TMEM71: variants seen among roughly 807,000 people sequenced by gnomAD.
The protein encoded by TMEM71 is transmembrane protein 71.
A neutral mutation model predicts 38.0 loss-of-function variants in TMEM71; 44 were observed. That is an observed-to-expected ratio of 1.16 (90% confidence interval 0.91 to 1.49). The LOEUF is 1.49. Among genes scored for constraint, TMEM71 ranks in the 40% most tolerant of loss-of-function variants. TMEM71 has a pLI of 0.00. For synonymous variants in TMEM71, 133 were observed against 122.5 expected (o/e 1.09, Z -0.56); for missense variants, 367 against 348.6 (o/e 1.05, Z -0.42).
At position 132,735,662 on chromosome 8, in the gene TMEM71, T is replaced by C. The variant is rs1247503012; in HGVS notation, c.488-7676A>G. 2.6e-5 allele frequency among the ~76,000 whole-genome samples: 4 copies of C among 152,222 alleles called. No homozygotes were observed. In the East Asian group the frequency reaches 5.8e-4, roughly 22 times the overall value. On this transcript the variant is annotated intron_variant, in intron 5 of 9. Coordinates refer to ENST00000677595, the MANE Select transcript of TMEM71 (RefSeq NM_001382403.1). ...ACCTCATGCACGTGCAGCATTGCTG[T>C]GGTCCAATCCCTTTGAAATTGTTTG...
intron 4 of TMEM71, among the ~76,000 whole-genome samples, chr8:132,747,549 A>T (rs1828459356): frequency 6.6e-6 from 1 of 152,234 alleles, no homozygotes; most frequent in Non-Finnish European, 1.5e-5. Context: ...GCAGCTAGTA[A>T]GTAACATAGT....
At chr8:132,709,118 A>T (rs1361922145), downstream of TMEM71, among the ~76,000 whole-genome samples, 6 of 152,206 alleles carry the variant, frequency 3.9e-5, no homozygotes, top group East Asian at 1.2e-3. Flanking sequence ...AAACATTATC[A>T]TTTAAATCAA....
the TMEM71 span, among the ~76,000 whole-genome samples, chr8:132,768,200 C>A: frequency 6.6e-6 from 1 of 152,180 alleles, no homozygotes; most frequent in African/African-American, 2.4e-5. Context: ...ATTTTGGATG[C>A]TTTGTCCTGC....
intron 3 of TMEM71, among the ~76,000 whole-genome samples, chr8:132,752,846 AG>A (rs1193954438): frequency 2.1e-5 from 3 of 144,364 alleles, no homozygotes; most frequent in South Asian, 2.2e-4. Context: ...GAAGGAAGGA[AG>A]GAAGGAAGGA....
intron 4 of TMEM71, among the ~76,000 whole-genome samples, chr8:132,750,271 T>A (rs1828632498): frequency 6.6e-6 from 1 of 152,182 alleles, no homozygotes; most frequent in Non-Finnish European, 1.5e-5. Flanking sequence ...ATTTTGGACA[T>A]ACTGGGTTTG....
At chr8:132,713,107 A>G (rs1488127618) in intron 9 of TMEM71, among the ~76,000 whole-genome samples, 1 of 151,728 alleles carries the variant, frequency 6.6e-6, no homozygotes, top group East Asian at 1.9e-4. Flanking sequence ...AGCTTCCCAA[A>G]GTGCTGAGAT....
chr8:132,747,172 T>A (rs926226143), intron 4 of TMEM71, 58 bp from the exon 5 acceptor site: 2 of 1,395,008 alleles, frequency 1.4e-6, no homozygotes, highest in Admixed American at 5.4e-5. Context: ...AGTTCAAAAC[T>A]GTGATTTGAA....
intron 5 of TMEM71, among the ~76,000 whole-genome samples, chr8:132,735,471 C>A (rs766873999): frequency 3.9e-5 from 6 of 152,114 alleles, no homozygotes; most frequent in Non-Finnish European, 8.8e-5. Context: ...TTGGGTAAAT[C>A]TGGAAAGCAA....
intron 5 of TMEM71, among the ~76,000 whole-genome samples, chr8:132,737,850 C>T (rs974766086): frequency 2.0e-5 from 3 of 152,134 alleles, no homozygotes; most frequent in African/African-American, 4.8e-5. Context: ...AACTGTATTG[C>T]TTCTCAGATT....
chr8:132,712,062 AATG>A (rs1826264573), intron 9 of TMEM71, among the ~76,000 whole-genome samples: 1 of 152,178 alleles, frequency 6.6e-6, no homozygotes, highest in South Asian at 2.1e-4. Context: ...TACTTCAAGA[AATG>A]ATGCAGTAAA....
At chr8:132,751,694 T>C (rs1471549396) in intron 4 of TMEM71, 91 bp downstream of exon 4, 1 of 1,281,652 alleles carries the variant, frequency 7.8e-7, no homozygotes, top group Non-Finnish European at 1.1e-6. Context: ...ATGGGCTCCT[T>C]ATAAAAGATA....
At chr8:132,767,356 C>A in the TMEM71 span, among the ~76,000 whole-genome samples, 3 of 152,048 alleles carry the variant, frequency 2.0e-5, no homozygotes, top group Non-Finnish European at 2.9e-5. Context: ...CAAGCTGGTA[C>A]CTCTTTGACT....
rs111735624 is a variant in TMEM71, at chr8:132,734,287, T to A, written c.488-6301A>T. Reference sequence around the variant, plus strand: ...CACAGGTGTCTGCATATGTCTAAAGTCATAAAATTGTACACATGAAATATG... The same window carrying A: ...CACAGGTGTCTGCATATGTCTAAAGACATAAAATTGTACACATGAAATATG... On this transcript the variant is annotated intron_variant, in intron 5 of 9. Transcript: ENST00000677595. 7.1e-3 allele frequency among the ~76,000 whole-genome samples: 1,076 copies of A among 152,114 alleles called. 9 individuals carry two copies. The highest frequency in any genetic ancestry group is 0.025 in the African/African-American group (1,033 of 41,484).
chr8:132,709,132 ACT>A (rs1271986276), downstream of TMEM71, among the ~76,000 whole-genome samples: 3 of 152,092 alleles, frequency 2.0e-5, no homozygotes, highest in African/African-American at 7.2e-5. Context: ...AAATCAAATG[ACT>A]CTGTAGAAAA....
the TMEM71 span, among the ~76,000 whole-genome samples, chr8:132,772,473 T>A: frequency 6.6e-6 from 1 of 151,672 alleles, no homozygotes; most frequent in Admixed American, 6.6e-5. Flanking sequence ...GGCCAGGGAG[T>A]CAGTACTAGA....
chr8:132,718,637 T>C (rs904604125), intron 7 of TMEM71, among the ~76,000 whole-genome samples: 15 of 151,874 alleles, frequency 9.9e-5, no homozygotes, highest in Admixed American at 4.6e-4. Context: ...GACTTCGTGA[T>C]CCATCTGCCG....
At chr8:132,722,202 T>G in intron 6 of TMEM71, 87 bp from the exon 7 acceptor site, 1 of 902,522 alleles carries the variant, frequency 1.1e-6, no homozygotes, top group Non-Finnish European at 1.6e-6. Flanking sequence ...ACTTCCCTTG[T>G]ACCCACCAAA....
chr8:132,733,232 T>C (rs575356795), intron 5 of TMEM71, among the ~76,000 whole-genome samples: 1 of 152,320 alleles, frequency 6.6e-6, no homozygotes, highest in African/African-American at 2.4e-5. Context: ...AAAAGGTCAC[T>C]TCATCTGTCC....
chr8:132,763,322 T>C (rs1248675280), upstream of TMEM71, among the ~76,000 whole-genome samples: 3 of 152,242 alleles, frequency 2.0e-5, no homozygotes, highest in Non-Finnish European at 4.4e-5. Context: ...TGCTTCATTT[T>C]AATAGCCCAA....
Sources: allele counts gnomAD v4.1 joint callset (sites outside exome capture counted in the v4.1 genomes callset), GRCh38; gene constraint gnomAD v4.1.1; transcripts MANE v1.5; gene names NCBI Gene and HGNC (gene_info 2026-07-23, HGNC 2026-07-21).